The following TNS3 variants were observed in gnomAD, a reference collection of about 807,000 sequenced individuals.
The protein encoded by TNS3 is tensin-3.
A neutral mutation model predicts 140.9 loss-of-function variants in TNS3; 45 were observed. That is an observed-to-expected ratio of 0.32 (90% CI 0.25 to 0.41). The LOEUF (loss-of-function observed/expected upper bound fraction) is 0.41, where lower values mean the gene tolerates loss of function less well. Ranked by LOEUF, TNS3 falls within the 10% of genes least tolerant of loss-of-function variation. The pLI, the probability that TNS3 is intolerant of heterozygous loss-of-function variation, is 1.00. For missense variants in TNS3, 1,716 were observed against 1,906.7 expected, an observed-to-expected ratio of 0.90 and a Z score of 1.86; for synonymous variants, 815 against 788.4, an observed-to-expected ratio of 1.03 and a Z score of -0.56.
intron 1 of TNS3, among the ~76,000 whole-genome samples, chr7:47,537,776 G>A (rs1799655700): frequency 6.6e-6 from 1 of 152,068 alleles, no homozygotes; most frequent in African/African-American, 2.4e-5. Flanking sequence ...GGTAAACACC[G>A]AGGCAGAAAG....
intron 27 of TNS3, among the ~76,000 whole-genome samples, chr7:47,289,050 A>C (rs1167094595): frequency 6.6e-6 from 1 of 152,342 alleles, no homozygotes; most frequent in Non-Finnish European, 1.5e-5. Flanking sequence ...GGAGAGTCTA[A>C]AATAACTTAA....
chr7:47,492,050 T>C (rs1797834227), intron 3 of TNS3, among the ~76,000 whole-genome samples: 1 of 152,234 alleles, frequency 6.6e-6, no homozygotes, highest in African/African-American at 2.4e-5. Flanking sequence ...CAAGTTAAAA[T>C]ACCTGACTCT....
chr7:47,385,641 A>C (rs1272363319), intron 16 of TNS3, among the ~76,000 whole-genome samples: 1 of 152,210 alleles, frequency 6.6e-6, no homozygotes, highest in African/African-American at 2.4e-5. Context: ...CCTCCGATTT[A>C]TGATTAACAA....
intron 3 of TNS3, among the ~76,000 whole-genome samples, chr7:47,504,527 C>T (rs1798343331): frequency 6.6e-6 from 1 of 152,240 alleles, no homozygotes; most frequent in Non-Finnish European, 1.5e-5. Flanking sequence ...GGTCTGATGC[C>T]AGACCAAAGC....
chr7:47,297,453 G>A (rs2150664473), intron 23 of TNS3, among the ~76,000 whole-genome samples: 1 of 152,310 alleles, frequency 6.6e-6, no homozygotes. Context: ...TGAGGAGGCA[G>A]AAAGGACAGG....
At chr7:47,467,676 C>G (rs776842868) in intron 4 of TNS3, among the ~76,000 whole-genome samples, 4 of 152,190 alleles carry the variant, frequency 2.6e-5, no homozygotes, top group Non-Finnish European at 4.4e-5. Flanking sequence ...CCTGAGGAAA[C>G]CGCCATGGTA....
intron 3 of TNS3, among the ~76,000 whole-genome samples, chr7:47,495,578 A>T (rs893711355): frequency 5.9e-5 from 9 of 152,128 alleles, no homozygotes; most frequent in Non-Finnish European, 1.3e-4. Context: ...CAGGCTCTGG[A>T]AGACCTGAGT....
chr7:47,453,369 C>T (rs1796109353), intron 4 of TNS3: 1 of 558,152 alleles, frequency 1.8e-6, no homozygotes, highest in African/African-American at 2.0e-5. Flanking sequence ...TCAAAAGTTC[C>T]CCCAGGAAAA....
intron 20 of TNS3, among the ~76,000 whole-genome samples, chr7:47,325,646 A>T (rs1787987134): frequency 6.6e-6 from 1 of 152,194 alleles, no homozygotes; most frequent in South Asian, 2.1e-4. Context: ...TTCTGTTTAC[A>T]GTCCCTCCTG....
intron 17 of TNS3, among the ~76,000 whole-genome samples, chr7:47,361,438 C>T (rs1227873513): frequency 6.6e-6 from 1 of 152,130 alleles, no homozygotes; most frequent in Non-Finnish European, 1.5e-5. Flanking sequence ...CCTCACAAGG[C>T]CTGGCTGAGA....
intron 20 of TNS3, among the ~76,000 whole-genome samples, chr7:47,329,039 C>A (rs1185085260): frequency 2.0e-5 from 3 of 152,166 alleles, no homozygotes; most frequent in Non-Finnish European, 2.9e-5. Context: ...TCAAGTGACC[C>A]CACATTTTTT....
intron 16 of TNS3, among the ~76,000 whole-genome samples, chr7:47,383,532 A>G (rs1791897295): frequency 6.6e-6 from 1 of 152,186 alleles, no homozygotes; most frequent in African/African-American, 2.4e-5. Flanking sequence ...AAATGATTAG[A>G]ATGGTAAATT....
chr7:47,531,745 A>T (rs1026313767), intron 1 of TNS3, among the ~76,000 whole-genome samples: 1 of 152,158 alleles, frequency 6.6e-6, no homozygotes, highest in African/African-American at 2.4e-5. Flanking sequence ...CTGGGGCTGC[A>T]CTCTCCATGG....
rs746385007 is a variant in TNS3, at chr7:47,278,126, T to C, written c.4288A>G (p.Ile1430Val). 7 of 1,613,966 alleles carry C rather than the reference T, an allele frequency of 4.3e-6. No homozygotes were observed. In the African/African-American group the frequency reaches 5.3e-5, roughly 12 times the overall value. Residue 1430 changes from isoleucine to valine, a missense_variant, in exon 31 of 31, where the codon ATT becomes GTT. Transcript: ENST00000311160. Reference sequence around the variant, plus strand: ...ATGACCTTTGATACGAAGTTGACAATGGCACTGGCAGGCTGCTCAGGGTCA... The same window carrying C: ...ATGACCTTTGATACGAAGTTGACAACGGCACTGGCAGGCTGCTCAGGGTCA... ...EHDPEQPASA[I>V]VNFVSKVMIG...
intron 13 of TNS3, among the ~76,000 whole-genome samples, chr7:47,401,267 C>T (rs1793147959): frequency 6.6e-6 from 1 of 152,228 alleles, no homozygotes; most frequent in African/African-American, 2.4e-5. Context: ...TTTTGGAACA[C>T]ATCCGAAAAA....
chr7:47,439,356 C>A (rs769732589), intron 6 of TNS3, 131 bp downstream of exon 6: 9 of 1,016,216 alleles, frequency 8.9e-6, no homozygotes, highest in Non-Finnish European at 1.1e-5. Flanking sequence ...GAAGGCGCCA[C>A]GGACAGCTGT....
chr7:47,502,892 C>A (rs1013535275), intron 3 of TNS3, among the ~76,000 whole-genome samples: 15 of 152,186 alleles, frequency 9.9e-5, no homozygotes, highest in African/African-American at 3.6e-4. Context: ...AGGGTGCAAA[C>A]CGAGGCACAT....
At chr7:47,476,641 C>T (rs188316153) in intron 4 of TNS3, among the ~76,000 whole-genome samples, 8 of 152,294 alleles carry the variant, frequency 5.3e-5, no homozygotes, top group Admixed American at 1.3e-4. Flanking sequence ...CTCATGGAGA[C>T]GTGGTGCATG....
intron 18 of TNS3, among the ~76,000 whole-genome samples, chr7:47,345,556 G>T (rs549258943): frequency 6.6e-6 from 1 of 152,240 alleles, no homozygotes; most frequent in South Asian, 2.1e-4. Flanking sequence ...TTCCAACTTT[G>T]CCAACTTGAA....
Sources: gnomAD v4.1 joint callset for allele counts (sites outside exome capture counted in the v4.1 genomes callset) on GRCh38, gnomAD v4.1.1 for gene constraint, MANE v1.5 for transcripts, NCBI Gene and HGNC (gene_info 2026-07-23, HGNC 2026-07-21) for gene names.